ZNF804B: variants seen among roughly 807,000 people sequenced by gnomAD.
The protein encoded by ZNF804B is zinc finger protein 804B.
In ZNF804B, 80 loss-of-function variants were observed where a neutral mutation model predicts 101.4. That is an observed-to-expected ratio of 0.79 (90% confidence interval 0.66 to 0.95). ZNF804B has a LOEUF of 0.95. Among genes scored for constraint, ZNF804B ranks in the 40% least tolerant of loss-of-function variants. The probability of loss-of-function intolerance (pLI) is 0.00; values close to 1 mark genes in which losing one functional copy is unlikely to be tolerated. For synonymous variants in ZNF804B, 622 were observed against 558.8 expected, an observed-to-expected ratio of 1.11 and a Z score of -1.59; for missense variants, 1,673 against 1,561.9, an observed-to-expected ratio of 1.07 and a Z score of -1.20.
intron 1 of ZNF804B, among the ~76,000 whole-genome samples, chr7:88,827,980 T>C (rs1178384961): frequency 6.6e-6 from 1 of 152,136 alleles, no homozygotes; most frequent in Non-Finnish European, 1.5e-5. Context: ...ATTCATCACA[T>C]ATACTTTTCC....
intron 1 of ZNF804B, among the ~76,000 whole-genome samples, chr7:89,014,965 G>C (rs1788523360): frequency 6.6e-6 from 1 of 152,124 alleles, no homozygotes; most frequent in Non-Finnish European, 1.5e-5. Context: ...TTTTCCCCTA[G>C]TAGTCTTACA....
At chr7:89,298,191 ATATC>A (rs1790414427) in intron 2 of ZNF804B, among the ~76,000 whole-genome samples, 1 of 120,152 alleles carries the variant, frequency 8.3e-6, no homozygotes, top group Non-Finnish European at 1.7e-5. Flanking sequence ...GTGTGTATAT[ATATC>A]TATATAGTGT....
chr7:88,882,811 C>G (rs1792063852), intron 1 of ZNF804B, among the ~76,000 whole-genome samples: 1 of 152,024 alleles, frequency 6.6e-6, no homozygotes, highest in Admixed American at 6.6e-5. Flanking sequence ...TTTAGCATTA[C>G]ACACGGACAT....
intron 1 of ZNF804B, among the ~76,000 whole-genome samples, chr7:89,009,954 A>T (rs1674765327): frequency 6.6e-6 from 1 of 152,200 alleles, no homozygotes; most frequent in African/African-American, 2.4e-5. Context: ...ACACATTTTT[A>T]CTAAATCTCA....
chr7:89,011,506 A>G (rs1056884440), intron 1 of ZNF804B, among the ~76,000 whole-genome samples: 2 of 152,188 alleles, frequency 1.3e-5, no homozygotes, highest in South Asian at 4.1e-4. Context: ...CTGTAAAATC[A>G]AAAGCAAGTT....
chr7:89,298,939 G>C (rs889831812), intron 2 of ZNF804B, among the ~76,000 whole-genome samples: 1 of 151,828 alleles, frequency 6.6e-6, no homozygotes, highest in Non-Finnish European at 1.5e-5. Flanking sequence ...ATTGTCTCAG[G>C]GTTGCGATAA....
At chr7:89,267,113 A>T (rs1251353634) in intron 2 of ZNF804B, among the ~76,000 whole-genome samples, 1 of 152,056 alleles carries the variant, frequency 6.6e-6, no homozygotes, top group Non-Finnish European at 1.5e-5. Flanking sequence ...ACCACATTTT[A>T]TGTCCTTATA....
chr7:89,073,536 A>G (rs1789573062), intron 1 of ZNF804B, among the ~76,000 whole-genome samples: 2 of 152,106 alleles, frequency 1.3e-5, no homozygotes, highest in Non-Finnish European at 2.9e-5. Context: ...GTATCAGATC[A>G]TTCTTGAAAT....
intron 2 of ZNF804B, among the ~76,000 whole-genome samples, chr7:89,305,767 A>G (rs1404365128): frequency 6.6e-6 from 1 of 151,886 alleles, no homozygotes; most frequent in Non-Finnish European, 1.5e-5. Flanking sequence ...TCTGGTATTA[A>G]TTTTTGAAAG....
chr7:88,846,541 G>A (rs1409343273), intron 1 of ZNF804B, among the ~76,000 whole-genome samples: 1 of 152,090 alleles, frequency 6.6e-6, no homozygotes, highest in Non-Finnish European at 1.5e-5. Flanking sequence ...ACGCCTCAAG[G>A]CCTGGCACAG....
chr7:88,904,638 T>G (rs1471433786), intron 1 of ZNF804B, among the ~76,000 whole-genome samples: 1 of 152,198 alleles, frequency 6.6e-6, no homozygotes, highest in Non-Finnish European at 1.5e-5. Flanking sequence ...AGCAGTCTTT[T>G]GTAGTCCCTT....
intron 1 of ZNF804B, among the ~76,000 whole-genome samples, chr7:88,808,162 C>T (rs867692698): frequency 3.3e-5 from 5 of 152,018 alleles, no homozygotes; most frequent in Non-Finnish European, 5.9e-5. Context: ...GAGGCTGAGG[C>T]GGGCGGATCA....
At chr7:89,028,399 A>C (rs28711175) in intron 1 of ZNF804B, among the ~76,000 whole-genome samples, 26,276 of 152,088 alleles carry the variant, frequency 0.17, 2,539 homozygotes, top group East Asian at 0.27. Flanking sequence ...GGTAAACAAG[A>C]TTGCTGAGCA....
At chr7:89,039,715 C>T (rs1396627628) in intron 1 of ZNF804B, among the ~76,000 whole-genome samples, 2 of 151,554 alleles carry the variant, frequency 1.3e-5, no homozygotes, top group African/African-American at 4.8e-5. Context: ...AAGGAAAGAG[C>T]ATTCTTATCC....
chr7:89,158,316 C>T (rs1277019826), intron 1 of ZNF804B, among the ~76,000 whole-genome samples: 3 of 152,122 alleles, frequency 2.0e-5, no homozygotes, highest in Non-Finnish European at 4.4e-5. Flanking sequence ...AATGGCACTG[C>T]CCTCCGTATA....
intron 1 of ZNF804B, among the ~76,000 whole-genome samples, chr7:89,114,392 C>A (rs1434849106): frequency 6.6e-6 from 1 of 152,152 alleles, no homozygotes; most frequent in Non-Finnish European, 1.5e-5. Flanking sequence ...TTCAATGAAG[C>A]AATTCACCAG....
intron 1 of ZNF804B, among the ~76,000 whole-genome samples, chr7:89,095,531 T>G (rs184455982): frequency 6.6e-5 from 10 of 152,308 alleles, no homozygotes; most frequent in African/African-American, 2.4e-4. Context: ...GGATTAGTGA[T>G]TATGTAGTCA....
chr7:88,941,005 T>C (rs62464069), intron 1 of ZNF804B, among the ~76,000 whole-genome samples: 1,546 of 151,804 alleles, frequency 0.01, 18 homozygotes, highest in South Asian at 0.02. Context: ...AGAGGGCAAA[T>C]AAGCATATGA....
At chr7:88,999,657 G>A (rs909137493) in intron 1 of ZNF804B, among the ~76,000 whole-genome samples, 1 of 151,954 alleles carries the variant, frequency 6.6e-6, no homozygotes, top group South Asian at 2.1e-4. Flanking sequence ...ATTTAAAATA[G>A]CATTTTATGG....
Sources: allele counts gnomAD v4.1 joint callset (sites outside exome capture counted in the v4.1 genomes callset), GRCh38; gene constraint gnomAD v4.1.1; transcripts MANE v1.5; gene names NCBI Gene and HGNC (gene_info 2026-07-23, HGNC 2026-07-21).